The following GPC5 variants were observed in gnomAD, a reference collection of about 807,000 sequenced individuals.
The protein encoded by GPC5 is glypican 5, also known as glypican-5.
In GPC5, 47 loss-of-function variants were observed where a neutral mutation model predicts 53.9. The observed-to-expected ratio is 0.87, with a 90% CI of 0.69 to 1.11. The LOEUF (loss-of-function observed/expected upper bound fraction) is 1.11, where lower values mean the gene tolerates loss of function less well. GPC5 is among the 50% of genes most tolerant of loss of function. The pLI is 0.00. For synonymous variants in GPC5, 286 were observed against 263.3 expected (o/e 1.09, Z -0.84); for missense variants, 748 against 713.1 (o/e 1.05, Z -0.56).
intron 5 of GPC5, among the ~76,000 whole-genome samples, chr13:91,901,681 T>A (rs2138986940): frequency 6.6e-6 from 1 of 152,146 alleles, no homozygotes; most frequent in South Asian, 2.1e-4. Context: ...GAAAATTTGT[T>A]CTTGTAGAAG....
chr13:91,521,787 G>A (rs1885830300), intron 2 of GPC5, among the ~76,000 whole-genome samples: 1 of 152,152 alleles, frequency 6.6e-6, no homozygotes. Flanking sequence ...ATTCCAAAAG[G>A]TGAGGGCTCA....
At chr13:92,233,545 A>G (rs1347097169) in intron 7 of GPC5, among the ~76,000 whole-genome samples, 1 of 152,190 alleles carries the variant, frequency 6.6e-6, no homozygotes, top group Admixed American at 6.5e-5. Context: ...AGTTGACATA[A>G]GACAGAATAA....
At chr13:91,448,994 C>A in intron 2 of GPC5, 72 bp downstream of exon 2, 2 of 1,482,782 alleles carry the variant, frequency 1.3e-6, no homozygotes, top group Non-Finnish European at 1.8e-6. Context: ...GTTACGTTGG[C>A]AAACTTGGCT....
chr13:92,616,473 C>T (rs1280807998), intron 7 of GPC5, among the ~76,000 whole-genome samples: 1 of 152,108 alleles, frequency 6.6e-6, no homozygotes, highest in Non-Finnish European at 1.5e-5. Flanking sequence ...AAATGTGAAA[C>T]AGATTGTACA....
rs192947847 is a variant in GPC5, at chr13:91,444,250, A to G, written c.164-4511A>G. ...TTTATCCTGAGTACTATCACCTCAT[A>G]TCTGAGTTTTAAAATTCTGACATAT... On this transcript the variant is annotated intron_variant, in intron 1 of 7. Coordinates refer to ENST00000377067, the MANE Select transcript of GPC5 (RefSeq NM_004466.6). Among the ~76,000 whole-genome samples the G allele has an allele frequency of 1.0e-3, 155 of 152,178 alleles. 1 individual carries two copies. The highest frequency in any genetic ancestry group is 6.1e-3 in the Admixed American group (93 of 15,276).
chr13:91,843,394 T>A (rs2038812334), intron 5 of GPC5, among the ~76,000 whole-genome samples: 1 of 152,164 alleles, frequency 6.6e-6, no homozygotes, highest in South Asian at 2.1e-4. Flanking sequence ...TTGGTCAGTA[T>A]GTGAAGGATC....
chr13:91,751,384 C>T (rs925893895), intron 4 of GPC5, among the ~76,000 whole-genome samples: 2 of 152,078 alleles, frequency 1.3e-5, no homozygotes, highest in Non-Finnish European at 2.9e-5. Context: ...AGCAAACTAC[C>T]CCAACATACC....
chr13:92,064,243 A>G (rs2138856721), intron 6 of GPC5, among the ~76,000 whole-genome samples: 1 of 152,354 alleles, frequency 6.6e-6, no homozygotes, highest in Middle Eastern at 3.4e-3. Context: ...TAAGAAACTT[A>G]TAAGATAGCC....
chr13:91,905,365 G>T (rs1275831723), intron 5 of GPC5, among the ~76,000 whole-genome samples: 7 of 151,424 alleles, frequency 4.6e-5, no homozygotes, highest in African/African-American at 1.5e-4. Flanking sequence ...AAGAATAATT[G>T]GTTTCCTTGT....
chr13:91,934,187 G>A (rs1360691275), intron 6 of GPC5, among the ~76,000 whole-genome samples: 2 of 151,874 alleles, frequency 1.3e-5, no homozygotes, highest in Admixed American at 6.6e-5. Flanking sequence ...TTCTAGGTCT[G>A]TACCAAAATG....
At chr13:91,933,561 A>G (rs1012775107) in intron 6 of GPC5, among the ~76,000 whole-genome samples, 5 of 151,972 alleles carry the variant, frequency 3.3e-5, no homozygotes, top group African/African-American at 1.2e-4. Context: ...AAATGTTAAT[A>G]AACCCATTAT....
intron 5 of GPC5, among the ~76,000 whole-genome samples, chr13:91,821,349 C>T: frequency 6.6e-6 from 1 of 152,310 alleles, no homozygotes; most frequent in Middle Eastern, 3.4e-3. Flanking sequence ...ACATCGTAAT[C>T]TGTCCTAGAC....
At chr13:92,415,274 A>G (rs2139354739) in intron 7 of GPC5, among the ~76,000 whole-genome samples, 1 of 152,348 alleles carries the variant, frequency 6.6e-6, no homozygotes, top group African/African-American at 2.4e-5. Context: ...CACTCCAGAG[A>G]GTGGAGTGAA....
intron 7 of GPC5, among the ~76,000 whole-genome samples, chr13:92,596,279 C>T (rs1277866745): frequency 6.6e-6 from 1 of 151,744 alleles, no homozygotes; most frequent in East Asian, 1.9e-4. Flanking sequence ...ATGAAAGAAA[C>T]GTTGCTAAGA....
chr13:91,939,354 A>G (rs577735910), intron 6 of GPC5, among the ~76,000 whole-genome samples: 59 of 152,290 alleles, frequency 3.9e-4, no homozygotes, highest in African/African-American at 1.4e-3. Flanking sequence ...GATTCAGAGT[A>G]GTTTTACTTA....
At chr13:91,822,262 A>G (rs2038507316) in intron 5 of GPC5, among the ~76,000 whole-genome samples, 1 of 152,222 alleles carries the variant, frequency 6.6e-6, no homozygotes, top group Non-Finnish European at 1.5e-5. Flanking sequence ...TTTGTCAGAA[A>G]AAGACAGACA....
intron 6 of GPC5, among the ~76,000 whole-genome samples, chr13:92,100,697 G>T (rs1041634985): frequency 6.6e-6 from 1 of 152,138 alleles, no homozygotes; most frequent in African/African-American, 2.4e-5. Context: ...CAAGGATATT[G>T]TAGTCCACTG....
At chr13:92,218,650 A>G (rs1303703056) in intron 7 of GPC5, among the ~76,000 whole-genome samples, 1 of 152,142 alleles carries the variant, frequency 6.6e-6, no homozygotes, top group Non-Finnish European at 1.5e-5. Context: ...CACTAGAAAA[A>G]TTTGGTGCTG....
At chr13:91,541,796 T>G (rs1308972117) in intron 2 of GPC5, among the ~76,000 whole-genome samples, 1 of 151,532 alleles carries the variant, frequency 6.6e-6, no homozygotes, top group African/African-American at 2.4e-5. Context: ...AGTAATATGT[T>G]AATACACTGA....
Sources: allele counts gnomAD v4.1 joint callset (sites outside exome capture counted in the v4.1 genomes callset), GRCh38; gene constraint gnomAD v4.1.1; transcripts MANE v1.5; gene names NCBI Gene and HGNC (gene_info 2026-07-23, HGNC 2026-07-21).